Variants in EPS15 observed in about 807,000 individuals in gnomAD.
EPS15 encodes the protein epidermal growth factor receptor substrate 15.
EPS15 carries 72 observed loss-of-function variants against 113.8 expected under a neutral mutation model. That is an observed-to-expected ratio of 0.63 (90% CI 0.52 to 0.77). The LOEUF is 0.77. Ranked by LOEUF, EPS15 falls within the 30% of genes least tolerant of loss-of-function variation. The pLI is 0.00. For synonymous variants in EPS15, 344 were observed against 363.4 expected, an observed-to-expected ratio of 0.95 and a Z score of 0.61; for missense variants, 1,048 against 1,045.8, an observed-to-expected ratio of 1.00 and a Z score of -0.03.
chr1:51,493,550 AAATAAATAAATAAATAAATAAATAAAT>A (rs1644276783), intron 1 of EPS15, among the ~76,000 whole-genome samples: 1 of 139,698 alleles, frequency 7.2e-6, no homozygotes, highest in Non-Finnish European at 1.6e-5. Context: ...ATAAATAAAT[AAATAAATAAATAAATAAATAAATAAAT>A]AAAAATAAAG....
intron 1 of EPS15, among the ~76,000 whole-genome samples, chr1:51,491,481 C>T (rs1570419250): frequency 6.6e-6 from 1 of 152,132 alleles, no homozygotes; most frequent in African/African-American, 2.4e-5. Context: ...TTTTGATAGG[C>T]TATCCATATC....
chr1:51,409,737 G>A (rs548957731), intron 13 of EPS15, 41 bp from the exon 14 acceptor site: 1 of 1,392,990 alleles, frequency 7.2e-7, no homozygotes, highest in East Asian at 2.3e-5. Context: ...TTCTTTGCGG[G>A]CAGGGGAGGG....
intron 21 of EPS15, among the ~76,000 whole-genome samples, chr1:51,369,843 C>G (rs1456789646): frequency 6.6e-6 from 1 of 152,166 alleles, no homozygotes; most frequent in Non-Finnish European, 1.5e-5. Flanking sequence ...TTGTTCACAG[C>G]TGTATCCTCA....
At chr1:51,358,699 G>GTTT (rs1181151202) in intron 24 of EPS15, among the ~76,000 whole-genome samples, 6 of 129,330 alleles carry the variant, frequency 4.6e-5, no homozygotes, top group African/African-American at 1.2e-4. Context: ...AACCAGATTT[G>GTTT]TTTTTTTTTG....
At chr1:51,424,174 T>A (rs1326862728) in intron 12 of EPS15, among the ~76,000 whole-genome samples, 2 of 152,218 alleles carry the variant, frequency 1.3e-5, no homozygotes, top group Non-Finnish European at 2.9e-5. Flanking sequence ...AAGAATTAAA[T>A]GTTCAATTAT....
chr1:51,367,551 C>CAACA (rs201563772), intron 21 of EPS15, among the ~76,000 whole-genome samples: 10 of 151,392 alleles, frequency 6.6e-5, no homozygotes, highest in Middle Eastern at 3.4e-3. Flanking sequence ...TGTCTGTCTC[C>CAACA]AACAAACAAA....
At chr1:51,426,837 C>CTCTCTCTCTCTA (rs377211027) in intron 12 of EPS15, among the ~76,000 whole-genome samples, 2 of 143,568 alleles carry the variant, frequency 1.4e-5, no homozygotes, top group South Asian at 2.2e-4. Context: ...CTCTCTCTCT[C>CTCTCTCTCTCTA]TATATATATA....
At chr1:51,495,215 T>C (rs1644303816) in intron 1 of EPS15, among the ~76,000 whole-genome samples, 1 of 152,242 alleles carries the variant, frequency 6.6e-6, no homozygotes, top group African/African-American at 2.4e-5. Context: ...GGTCTACTAA[T>C]GGACCTACCA....
chr1:51,512,000 A>AT (rs1644630049), intron 1 of EPS15, among the ~76,000 whole-genome samples: 1 of 152,128 alleles, frequency 6.6e-6, no homozygotes, highest in Non-Finnish European at 1.5e-5. Context: ...CCCAACTTTT[A>AT]TTTTTTAATT....
chr1:51,376,373 C>T (rs72694146), intron 21 of EPS15, among the ~76,000 whole-genome samples: 2,930 of 152,278 alleles, frequency 0.019, 47 homozygotes, highest in Non-Finnish European at 0.031. Context: ...TTTCAAAATA[C>T]TCCTGCTAGG....
Position 51,381,083 on chromosome 1 carries a change from ACAGTTGGAGACTT to A in EPS15, c.2119+13285_2119+13297del, listed in dbSNP as rs1301602265. Among the ~76,000 whole-genome samples, 7 of 149,630 alleles carry A rather than the reference ACAGTTGGAGACTT, an allele frequency of 4.7e-5. No individual in the cohort carries two copies. In the South Asian group the frequency reaches 6.2e-4, roughly 13 times the overall value. ...GGGAGAAACAGACAGCTCTACAGTA[ACAGTTGGAGACTT>A]CAATATCTCACTTTCAATAAGGAGA... On this transcript the variant is annotated intron_variant, in intron 21 of 24. Transcript: ENST00000371733.
chr1:51,371,721 G>A (rs954013334), intron 21 of EPS15, among the ~76,000 whole-genome samples: 1 of 152,118 alleles, frequency 6.6e-6, no homozygotes, highest in Non-Finnish European at 1.5e-5. Context: ...TATAAATTTA[G>A]TGTAGTGCAA....
Position 51,405,955 on chromosome 1 carries a change from C to T in EPS15, c.1627G>A (p.Val543Ile), listed in dbSNP as rs1318721668. 6.2e-7 allele frequency: 1 copy of T among 1,614,162 alleles called. No individual in the cohort carries two copies. Among genetic ancestry groups the T allele is most frequent in the Non-Finnish European group, 8.5e-7 (1 of 1,180,012 alleles). The change falls in exon 16 of 25, where the codon GTT becomes ATT. Residue 543 changes from valine (V) to isoleucine (I), a missense_variant. By Grantham distance (29) the Val-to-Ile change is conservative. Coordinates refer to ENST00000371733, the MANE Select transcript of EPS15 (RefSeq NM_001981.3). ...GACTCTAGGTTGCTCTGGCCTTCAA[C>T]ATGTTCATTAAGGTTGGCTGTTTCA... ...SSETANLNEH[V>I]EGQSNLESEP...
At position 51,355,345 on chromosome 1, in the gene EPS15, T is replaced by C. The variant is rs576187346; in HGVS notation, c.*1355A>G. ...GACCCAGAGAATTCTAATTAGATTT[T>C]AGGTGCATTTTTCTTTATCTTGGTA... On this transcript the variant is annotated 3_prime_UTR_variant, in exon 25 of 25. Transcript: ENST00000371733. 5 of 211,834 alleles carry C rather than the reference T, an allele frequency of 2.4e-5. No individual in the cohort carries two copies. Among genetic ancestry groups the C allele is most frequent in the Non-Finnish European group, 3.8e-5 (4 of 104,614 alleles). The allele number at this position is 211,834 out of a possible 1,614,324, so 13.1% of individuals were successfully genotyped here.
At chr1:51,446,581 G>A (rs1181224317) in intron 10 of EPS15, among the ~76,000 whole-genome samples, 1 of 151,716 alleles carries the variant, frequency 6.6e-6, no homozygotes, top group Non-Finnish European at 1.5e-5. Context: ...ACCCTCCCGA[G>A]TAGCTGGAAC....
chr1:51,383,133 C>A (rs761043845), intron 21 of EPS15, among the ~76,000 whole-genome samples: 6 of 152,094 alleles, frequency 3.9e-5, no homozygotes, highest in African/African-American at 1.2e-4. Context: ...AATACAACAC[C>A]AATCATTTCA....
At chr1:51,398,332 C>T (rs1026893899) in intron 20 of EPS15, among the ~76,000 whole-genome samples, 3 of 152,176 alleles carry the variant, frequency 2.0e-5, no homozygotes, top group Non-Finnish European at 2.9e-5. Flanking sequence ...GGATTACAGG[C>T]GTGAGCCACC....
intron 1 of EPS15, among the ~76,000 whole-genome samples, chr1:51,493,536 A>ATAAG (rs1348135995): frequency 3.4e-5 from 4 of 118,112 alleles, no homozygotes. Flanking sequence ...AATTAAATAA[A>ATAAG]TAAATAAATA....
At chr1:51,390,760 A>G (rs1186634204) in intron 21 of EPS15, among the ~76,000 whole-genome samples, 2 of 152,174 alleles carry the variant, frequency 1.3e-5, no homozygotes, top group Non-Finnish European at 2.9e-5. Context: ...CAAAACCACA[A>G]TGAGATACCA....
Sources: allele counts gnomAD v4.1 joint callset (sites outside exome capture counted in the v4.1 genomes callset), GRCh38; gene constraint gnomAD v4.1.1; transcripts MANE v1.5; gene names NCBI Gene and HGNC (gene_info 2026-07-23, HGNC 2026-07-21).